The following WWP2 variants were observed in gnomAD, a reference collection of about 807,000 sequenced individuals.
WWP2 encodes NEDD4-like E3 ubiquitin-protein ligase WWP2.
WWP2 carries 57 observed loss-of-function variants against 121.0 expected under a neutral mutation model. The observed-to-expected ratio is 0.47, with a 90% CI of 0.38 to 0.59. The LOEUF (loss-of-function observed/expected upper bound fraction) is 0.59, where lower values mean the gene tolerates loss of function less well. WWP2 is among the 20% of genes least tolerant of loss of function. The pLI, the probability that WWP2 is intolerant of heterozygous loss-of-function variation, is 0.00. For synonymous variants in WWP2, 449 were observed against 441.3 expected, an observed-to-expected ratio of 1.02 and a Z score of -0.22; for missense variants, 962 against 1,158.9, an observed-to-expected ratio of 0.83 and a Z score of 2.47.
chr16:69,889,504 C>G (rs1451251683), intron 8 of WWP2, among the ~76,000 whole-genome samples: 2 of 152,126 alleles, frequency 1.3e-5, no homozygotes, highest in East Asian at 1.9e-4. Flanking sequence ...AATGACTTAG[C>G]CTCTTGATAA....
chr16:69,789,126 C>T (rs1016807854), intron 2 of WWP2, among the ~76,000 whole-genome samples: 1 of 152,268 alleles, frequency 6.6e-6, no homozygotes, highest in South Asian at 2.1e-4. Context: ...GGCGCTGTCT[C>T]GGCTCACTGC....
intron 11 of WWP2, among the ~76,000 whole-genome samples, chr16:69,927,484 C>G (rs1010858704): frequency 1.3e-5 from 2 of 152,236 alleles, no homozygotes; most frequent in African/African-American, 4.8e-5. Context: ...TGAGGTCGAG[C>G]CAGGTGTTCC....
intron 4 of WWP2, among the ~76,000 whole-genome samples, chr16:69,805,045 T>C (rs1343514876): frequency 6.9e-6 from 1 of 144,556 alleles, no homozygotes; most frequent in Non-Finnish European, 1.5e-5. Flanking sequence ...CTTGGTAGAC[T>C]TTTTTTTTTT....
At chr16:69,914,144 A>T (rs1416437284) in intron 9 of WWP2, among the ~76,000 whole-genome samples, 1 of 151,600 alleles carries the variant, frequency 6.6e-6, no homozygotes, top group Non-Finnish European at 1.5e-5. Context: ...AGATGTGACC[A>T]AGACATTCAA....
intron 2 of WWP2, 44 bp from the exon 3 acceptor site, chr16:69,798,637 GA>G (rs1324403594): frequency 6.4e-7 from 1 of 1,565,598 alleles, no homozygotes; most frequent in Non-Finnish European, 8.7e-7. Flanking sequence ...GGGCATCTGG[GA>G]GCCCTGGGAC....
At chr16:69,823,531 G>A (rs989790327) in intron 4 of WWP2, among the ~76,000 whole-genome samples, 1 of 151,090 alleles carries the variant, frequency 6.6e-6, no homozygotes, top group Non-Finnish European at 1.5e-5. Flanking sequence ...GTGCAGTGGT[G>A]CGGTCTTGTT....
In WWP2 at chr16:69,940,729, C is replaced by T. The variant is rs76061922; in HGVS notation, c.*789C>T. 1 of 152,458 alleles carries T rather than the reference C, an allele frequency of 6.6e-6. No homozygotes were observed. The highest frequency in any genetic ancestry group is 1.5e-5 in the Non-Finnish European group (1 of 68,032). The allele number at this position is 152,458 out of a possible 1,614,324, so 9.4% of individuals were successfully genotyped here. A position where few individuals can be genotyped will look rare whatever the true frequency, so the allele number is the denominator to read the frequency against. ...GTTCTGAGACCTTGAGGGACCCAGACCTTTGGGTCCAAGAGTTTCCCAAAC... is the reference window on the plus strand; with the variant it reads ...GTTCTGAGACCTTGAGGGACCCAGATCTTTGGGTCCAAGAGTTTCCCAAAC... On this transcript the variant is annotated 3_prime_UTR_variant, in exon 24 of 24. Transcript: ENST00000359154.
intron 10 of WWP2, among the ~76,000 whole-genome samples, chr16:69,922,895 C>CT (rs568949535): frequency 6.1e-4 from 89 of 145,876 alleles, no homozygotes; most frequent in Middle Eastern, 7.1e-3. Flanking sequence ...TGCCACGACT[C>CT]TTTTTTTTTT....
intron 9 of WWP2, 82 bp downstream of exon 9, chr16:69,908,932 T>C (rs1479368725): frequency 1.9e-6 from 3 of 1,605,210 alleles, no homozygotes; most frequent in Non-Finnish European, 2.6e-6. Flanking sequence ...GGTCCCTTTC[T>C]GCGGAGGTAG....
Sources: gnomAD v4.1 joint callset for allele counts (sites outside exome capture counted in the v4.1 genomes callset) on GRCh38, gnomAD v4.1.1 for gene constraint, MANE v1.5 for transcripts, NCBI Gene and HGNC (gene_info 2026-07-23, HGNC 2026-07-21) for gene names.